Variants in TCF20 observed in about 807,000 individuals in gnomAD.
TCF20 encodes SPRE-binding protein.
In TCF20, 3 loss-of-function variants were observed where a neutral mutation model predicts 148.6. The ratio of observed to expected loss-of-function variants is 0.02; its 90% confidence interval spans 0.01 to 0.05. The LOEUF (loss-of-function observed/expected upper bound fraction) is 0.05. Among genes scored for constraint, TCF20 ranks in the 10% least tolerant of loss-of-function variants. TCF20 has a pLI of 1.00. For missense variants in TCF20, 2,350 were observed against 2,429.3 expected (o/e 0.97, Z 0.69); for synonymous variants, 1,049 against 909.5 (o/e 1.15, Z -2.76).
rs765074265 is a variant in TCF20, at chr22:42,215,043, T to C, written c.263A>G (p.Asp88Gly). 3 of 1,614,038 alleles carry C rather than the reference T, an allele frequency of 1.9e-6. No individual in the cohort carries two copies. Among genetic ancestry groups the C allele is most frequent in the Non-Finnish European group, 2.5e-6 (3 of 1,180,016 alleles). Residue 88 changes from aspartate to glycine, a missense_variant, in exon 2 of 6, where the codon GAT becomes GGT. Physicochemically the swap from Asp to Gly is moderately conservative, Grantham distance 94 (BLOSUM62 -1). Around this residue, in one of 7 missense-constraint regions of TCF20, gnomAD observed 1,641 missense variants for 1,662.6 expected, o/e 0.99. Coordinates refer to ENST00000677622, the MANE Select transcript of TCF20 (RefSeq NM_001378418.1). ...TTTGTTGCCTGCCATGTAGTAAAAATCTCCAGCCTCTTTCCTGAAACCCTG... is the reference window on the plus strand; with the variant it reads ...TTTGTTGCCTGCCATGTAGTAAAAACCTCCAGCCTCTTTCCTGAAACCCTG... ...GYQGFRKEAG[D>G]FYYMAGNKDP... is the part of the protein sequence containing the mutation.
chr22:42,258,504 T>C (rs946037956), intron 1 of TCF20, among the ~76,000 whole-genome samples: 2 of 152,216 alleles, frequency 1.3e-5, no homozygotes, highest in Admixed American at 6.5e-5. Flanking sequence ...CACCATCCTG[T>C]GTGCTGGCTC....
chr22:42,274,722 C>CA (rs1301019736), upstream of TCF20: 2 of 152,210 alleles, frequency 1.3e-5, no homozygotes, highest in Non-Finnish European at 2.9e-5. Flanking sequence ...AGAAGTGTGG[C>CA]ATCCTAATCT....
At chr22:42,163,820 G>A (rs73429679) in intron 5 of TCF20, among the ~76,000 whole-genome samples, 6,098 of 152,232 alleles carry the variant, frequency 0.04, 405 homozygotes, top group African/African-American at 0.14. Flanking sequence ...ACATCACCTT[G>A]CTCCCCAGCT....
rs141702538 is a variant in TCF20, at chr22:42,171,424, C to T, written c.5750-1528G>A. On this transcript the variant is annotated intron_variant, in intron 3 of 5. Coordinates refer to ENST00000677622, the MANE Select transcript of TCF20 (RefSeq NM_001378418.1). The stretch of plus-strand genomic sequence containing the variant: ...ATACACATGAAAACTTTTCAGGTCC[C>T]GGTATCCTAAAACAAATCAAAAAGA... Among the ~76,000 whole-genome samples the T allele has an allele frequency of 4.1e-4, 62 of 152,230 alleles. 1 individual carries two copies. The East Asian group carries it at 0.012, about 28-fold the overall frequency.
At chr22:42,169,795 G>A (rs986624244) in intron 4 of TCF20, 52 bp downstream of exon 4, 9 of 1,599,188 alleles carry the variant, frequency 5.6e-6, no homozygotes, top group African/African-American at 2.7e-5. Flanking sequence ...CTTTCAGGAG[G>A]AGCCACCCTC....
chr22:42,322,447 A>C (rs1022642311), intron 1 of TCF20, among the ~76,000 whole-genome samples: 3 of 151,726 alleles, frequency 2.0e-5, no homozygotes, highest in African/African-American at 7.3e-5. Context: ...CTTCCTCGAG[A>C]TCACACGTCA....
chr22:42,211,417 T>C lies in TCF20; in HGVS notation c.3889A>G (p.Asn1297Asp). 6.2e-7 allele frequency: 1 copy of C among 1,614,220 alleles called. No individual in the cohort carries two copies. Among genetic ancestry groups the C allele is most frequent in the Non-Finnish European group, 8.5e-7 (1 of 1,180,036 alleles). The stretch of plus-strand genomic sequence containing the variant: ...CTGTGAGAAAGATGGGCATAGGAAT[T>C]GAATGCTTTATCAGCGCCTTCTTTT... ...SSKEGADKAF[N>D]SYAHLSHSQD... The change falls in exon 2 of 6, where the codon AAT becomes GAT. Residue 1297 changes from asparagine to aspartate, a missense_variant. By Grantham distance (23) the Asn-to-Asp change is conservative. Transcript: ENST00000677622.
At chr22:42,193,911 A>G (rs1345079859) in intron 2 of TCF20, among the ~76,000 whole-genome samples, 2 of 151,844 alleles carry the variant, frequency 1.3e-5, no homozygotes, top group Non-Finnish European at 2.9e-5. Context: ...TGGTGGTCGT[A>G]TAATAAAAGG....
chr22:42,222,499 G>C (rs1405515552), intron 1 of TCF20, among the ~76,000 whole-genome samples: 1 of 151,856 alleles, frequency 6.6e-6, no homozygotes, highest in Non-Finnish European at 1.5e-5. Flanking sequence ...CCCCCCCATA[G>C]GCCCTGAAGC....
intron 1 of TCF20, among the ~76,000 whole-genome samples, chr22:42,269,474 C>G (rs1926472639): frequency 1.3e-5 from 2 of 152,214 alleles, no homozygotes; most frequent in Non-Finnish European, 2.9e-5. Flanking sequence ...CGCCCCCCAA[C>G]TCACTAAATT....
intron 1 of TCF20, among the ~76,000 whole-genome samples, chr22:42,304,666 A>G (rs989731464): frequency 6.6e-6 from 1 of 152,154 alleles, no homozygotes; most frequent in African/African-American, 2.4e-5. Context: ...GGGCAGAATC[A>G]TGTAATTCCA....
intron 2 of TCF20, among the ~76,000 whole-genome samples, chr22:42,199,918 T>C (rs956632923): frequency 1.2e-4 from 18 of 151,336 alleles, no homozygotes; most frequent in Non-Finnish European, 2.9e-5. Context: ...GGAATAATTA[T>C]GATGATAGCT....
intron 1 of TCF20, among the ~76,000 whole-genome samples, chr22:42,282,123 G>C (rs1369582176): frequency 2.6e-5 from 4 of 152,228 alleles, no homozygotes; most frequent in African/African-American, 9.6e-5. Flanking sequence ...TTAGGGACCA[G>C]CTCCAGGGGA....
At chr22:42,221,171 T>C (rs5751243) in intron 1 of TCF20, among the ~76,000 whole-genome samples, 30,442 of 152,006 alleles carry the variant, frequency 0.2, 3,232 homozygotes, top group East Asian at 0.34. Flanking sequence ...AACGTAGAGG[T>C]TGATGATATT....
intron 1 of TCF20, among the ~76,000 whole-genome samples, chr22:42,239,009 T>TC (rs1676878182): frequency 6.6e-6 from 1 of 151,828 alleles, no homozygotes; most frequent in African/African-American, 2.4e-5. Flanking sequence ...TCCCAGCTAC[T>TC]CGGGAGGCTG....
intron 1 of TCF20, among the ~76,000 whole-genome samples, chr22:42,223,419 T>G (rs1054637050): frequency 9.2e-5 from 14 of 152,200 alleles, no homozygotes; most frequent in African/African-American, 3.1e-4. Context: ...TTGAAAATCC[T>G]GACACACACT....
intron 1 of TCF20, among the ~76,000 whole-genome samples, chr22:42,313,149 G>A (rs1476234647): frequency 1.3e-5 from 2 of 152,210 alleles, no homozygotes; most frequent in Non-Finnish European, 2.9e-5. Context: ...TGTGGGCTGT[G>A]TCACACCATA....
intron 1 of TCF20, chr22:42,278,249 T>C (rs936661000): frequency 1.3e-5 from 2 of 152,140 alleles, no homozygotes; most frequent in African/African-American, 4.8e-5. Flanking sequence ...ACAAAGCATG[T>C]TTCACAGGAG....
At chr22:42,193,667 A>G (rs1937454489) in intron 2 of TCF20, among the ~76,000 whole-genome samples, 1 of 152,142 alleles carries the variant, frequency 6.6e-6, no homozygotes, top group Non-Finnish European at 1.5e-5. Flanking sequence ...GATTTCATTT[A>G]TCCAACACCT....
Sources: allele counts gnomAD v4.1 joint callset (sites outside exome capture counted in the v4.1 genomes callset), GRCh38; gene constraint gnomAD v4.1.1; regional missense constraint gnomAD v4.1.1; transcripts MANE v1.5; gene names NCBI Gene and HGNC (gene_info 2026-07-23, HGNC 2026-07-21).